The following SIMC1 variants were observed in gnomAD, a reference collection of about 807,000 sequenced individuals.
SIMC1 encodes SUMO-interacting motif-containing protein 1.
SIMC1 carries 55 observed loss-of-function variants against 82.3 expected under a neutral mutation model. The ratio of observed to expected loss-of-function variants is 0.67; its 90% CI spans 0.54 to 0.84. SIMC1 has a LOEUF of 0.84. Among genes scored for constraint, SIMC1 ranks in the 40% least tolerant of loss-of-function variants. The probability of loss-of-function intolerance (pLI) is 0.00; values close to 1 mark genes in which losing one functional copy is unlikely to be tolerated. For missense variants in SIMC1, 915 were observed against 1,107.2 expected (o/e 0.83, Z 2.46); for synonymous variants, 353 against 426.3 (o/e 0.83, Z 2.12).
chr5:176,289,529 G>A, intron 1 of SIMC1, 125 bp from the exon 2 acceptor site: 4 of 736,074 alleles, frequency 5.4e-6, no homozygotes, highest in African/African-American at 3.5e-5. Context: ...TACACAAGAT[G>A]TGTAACTTAT....
intron 1 of SIMC1, among the ~76,000 whole-genome samples, chr5:176,273,520 A>C (rs79299363): frequency 6.6e-6 from 1 of 152,188 alleles, no homozygotes; most frequent in Non-Finnish European, 1.5e-5. Context: ...ATTTTTTTTT[A>C]TACTTTAAGT....
At chr5:176,256,379 A>G (rs2113134232) in intron 1 of SIMC1, among the ~76,000 whole-genome samples, 1 of 152,282 alleles carries the variant, frequency 6.6e-6, no homozygotes, top group Admixed American at 6.5e-5. Flanking sequence ...TTCTAATTAT[A>G]GCCAACTTGG....
chr5:176,288,023 A>G (rs1763373525), intron 1 of SIMC1, among the ~76,000 whole-genome samples: 1 of 152,188 alleles, frequency 6.6e-6, no homozygotes, highest in Admixed American at 6.5e-5. Flanking sequence ...AAGAAACTCC[A>G]AACAATCAAA....
rs1766401988 is a variant in SIMC1 at position 176,345,286 on chromosome 5, G to A, written c.2517G>A (p.Lys839=). The change falls in exon 10 of 10, where the codon AAG becomes AAA. Residue 839 remains lysine (K), a synonymous_variant. Transcript: ENST00000429602. The part of the protein sequence containing the change: ...GDDITVVDVE[K]QIEAFRSRLI... ...ACATCACAGTGGTAGACGTAGAGAA[G>A]CAGATTGAGGCCTTCCGCAGCCGCC... 1 of 1,614,020 alleles carries A rather than the reference G, an allele frequency of 6.2e-7. No homozygotes were observed. Among genetic ancestry groups the A allele is most frequent in the African/African-American group, 1.3e-5 (1 of 75,042 alleles).
At chr5:176,284,618 C>G (rs7710784) in intron 1 of SIMC1, among the ~76,000 whole-genome samples, 111,667 of 152,076 alleles carry the variant, frequency 0.73, 41,165 homozygotes, top group Middle Eastern at 0.84. Flanking sequence ...AAAAGAACTA[C>G]AGAAGCAAGA....
At chr5:176,326,320 A>G (rs1164505836) in intron 7 of SIMC1, among the ~76,000 whole-genome samples, 1 of 152,076 alleles carries the variant, frequency 6.6e-6, no homozygotes, top group Non-Finnish European at 1.5e-5. Context: ...TAAGATTGAG[A>G]CATTTACTGA....
intron 9 of SIMC1, among the ~76,000 whole-genome samples, chr5:176,341,071 C>T (rs767654101): frequency 3.3e-5 from 5 of 152,078 alleles, no homozygotes; most frequent in African/African-American, 4.8e-5. Flanking sequence ...TGGTTGAACC[C>T]GGGAGGCAGA....
chr5:176,298,432 G>A (rs1350809957), intron 4 of SIMC1, among the ~76,000 whole-genome samples: 1 of 152,264 alleles, frequency 6.6e-6, no homozygotes, highest in East Asian at 1.9e-4. Context: ...TCGGGAGTTC[G>A]AGGCCAGCTC....
In SIMC1 at chr5:176,290,004, T is replaced by C. The variant is rs141538284; in HGVS notation, c.480T>C (p.Asn160=). 4.6e-5 allele frequency: 74 copies of C among 1,613,698 alleles called. No individual in the cohort carries two copies. The African/African-American group carries it at 7.5e-4, about 16-fold the overall frequency. ...SGGSVYPTEP[N]CSSATFTGNL... ...GCTCTGTTTATCCAACAGAGCCTAATTGTAGCTCAGCCACATTCACAGGTA... is the reference window on the plus strand; with the variant it reads ...GCTCTGTTTATCCAACAGAGCCTAACTGTAGCTCAGCCACATTCACAGGTA... Residue 160 remains asparagine, a synonymous_variant, in exon 2 of 10, where the codon AAT becomes AAC. Transcript: ENST00000429602.
intron 5 of SIMC1, 149 bp downstream of exon 5, chr5:176,313,994 C>T (rs1764790702): frequency 2.0e-6 from 2 of 1,014,142 alleles, no homozygotes; most frequent in Non-Finnish European, 2.8e-6. Context: ...AGACCAGGTG[C>T]AGTGATTCAC....
chr5:176,326,927 T>A (rs1182244913), intron 7 of SIMC1, among the ~76,000 whole-genome samples: 1 of 152,190 alleles, frequency 6.6e-6, no homozygotes, highest in Non-Finnish European at 1.5e-5. Context: ...TAGCCTAAGT[T>A]TATGTAGCTA....
intron 1 of SIMC1, among the ~76,000 whole-genome samples, chr5:176,288,449 A>ATAAATAAATAAATAAT (rs1286491397): frequency 2.0e-5 from 3 of 148,316 alleles, no homozygotes; most frequent in African/African-American, 4.9e-5. Context: ...AAATAAATAA[A>ATAAATAAATAAATAAT]TAAATAAATG....
At chr5:176,316,619 G>A (rs1048816859) in intron 5 of SIMC1, among the ~76,000 whole-genome samples, 4 of 151,982 alleles carry the variant, frequency 2.6e-5, no homozygotes, top group African/African-American at 9.7e-5. Context: ...AACCCAGGAG[G>A]TAGAGGTTGC....
chr5:176,252,639 G>C (rs939814521), intron 1 of SIMC1, among the ~76,000 whole-genome samples: 1 of 149,620 alleles, frequency 6.7e-6, no homozygotes, highest in African/African-American at 2.5e-5. Context: ...GGGCAGAGAC[G>C]CTCCTCACTT....
At chr5:176,297,173 T>C (rs1473250093) in intron 4 of SIMC1, among the ~76,000 whole-genome samples, 1 of 152,156 alleles carries the variant, frequency 6.6e-6, no homozygotes, top group Non-Finnish European at 1.5e-5. Flanking sequence ...GTTACCTACC[T>C]TCAGGCAAAA....
intron 1 of SIMC1, among the ~76,000 whole-genome samples, chr5:176,251,025 A>G (rs1327960880): frequency 6.6e-6 from 1 of 152,200 alleles, no homozygotes; most frequent in Non-Finnish European, 1.5e-5. Flanking sequence ...TGTTTTGCCC[A>G]TTAGTTGATG....
At chr5:176,287,644 TTAAAAATAAA>T (rs199921307) in intron 1 of SIMC1, among the ~76,000 whole-genome samples, 6,407 of 95,880 alleles carry the variant, frequency 0.067, 446 homozygotes, top group African/African-American at 0.2. Flanking sequence ...TTTTAAAAAG[TTAAAAATAAA>T]TAAAAATAAA....
At position 176,290,836 on chromosome 5, in the gene SIMC1, C is replaced by T. The variant is rs772323347; in HGVS notation, c.1312C>T (p.Arg438Ter). ...ACCTGGGTCTGCCCACGTACAATCA[C>T]GAACACCACAAGGTGGGTTGTACAA... The part of the protein sequence containing the change: ...AKPGSAHVQS[R>*]TPQGGLYNRP... Residue 438 changes from arginine (R) to a stop codon, truncating the protein, a stop_gained, in exon 2 of 10, where the codon CGA becomes TGA. Transcript: ENST00000429602. LOFTEE classifies it high-confidence loss of function. 4.3e-6 allele frequency: 7 copies of T among 1,613,632 alleles called. No homozygotes were observed. Among genetic ancestry groups the T allele is most frequent in the East Asian group, 2.2e-5 (1 of 44,882 alleles).
At chr5:176,312,522 CA>C (rs10711312) in intron 4 of SIMC1, among the ~76,000 whole-genome samples, 135,884 of 137,708 alleles carry the variant, frequency 0.99, 67,061 homozygotes, top group Middle Eastern at 1. Flanking sequence ...GGTGACAGAC[CA>C]AAGACTCCAT....
Sources: gnomAD v4.1 joint callset for allele counts (sites outside exome capture counted in the v4.1 genomes callset) on GRCh38, gnomAD v4.1.1 for gene constraint, MANE v1.5 for transcripts, NCBI Gene and HGNC (gene_info 2026-07-23, HGNC 2026-07-21) for gene names.